Variants in ABCA5 observed in about 807,000 individuals in gnomAD.
ABCA5 encodes cholesterol transporter ABCA5.
ABCA5 carries 163 observed loss-of-function variants against 206.0 expected under a neutral mutation model. The observed-to-expected ratio is 0.79, with a 90% confidence interval of 0.70 to 0.90. The LOEUF (loss-of-function observed/expected upper bound fraction) is 0.90, where lower values mean the gene tolerates loss of function less well. Among genes scored for constraint, ABCA5 ranks in the 40% least tolerant of loss-of-function variants. The pLI is 0.00. For missense variants in ABCA5, 1,859 were observed against 1,912.9 expected, an observed-to-expected ratio of 0.97 and a Z score of 0.53; for synonymous variants, 609 against 613.8, an observed-to-expected ratio of 0.99 and a Z score of 0.11.
chr17:69,281,862 C>T (rs1173654153), intron 18 of ABCA5, among the ~76,000 whole-genome samples: 1 of 152,176 alleles, frequency 6.6e-6, no homozygotes, highest in Non-Finnish European at 1.5e-5. Context: ...TTTGGTATCA[C>T]AATGATTTTA....
chr17:69,290,166 G>T lies in ABCA5; in HGVS notation c.1607-129C>A, dbSNP rs115819511. The T allele has an allele frequency of 1.4e-5, 8 of 571,492 alleles. No individual in the cohort carries two copies. In the African/African-American group the frequency reaches 1.5e-4, roughly 11 times the overall value. The allele number at this position is 571,492 out of a possible 1,614,324, so 35.4% of individuals were successfully genotyped here. On this transcript the variant is annotated intron_variant, in intron 12 of 38. Coordinates refer to ENST00000392676, the MANE Select transcript of ABCA5 (RefSeq NM_172232.4). ...GTAAAAATTAATATAAATTTACAAGGCACAACACACCCTTCAATATTATTG... is the reference window on the plus strand; with the variant it reads ...GTAAAAATTAATATAAATTTACAAGTCACAACACACCCTTCAATATTATTG...
chr17:69,275,915 T>C (rs964578583), intron 19 of ABCA5, among the ~76,000 whole-genome samples: 7 of 152,110 alleles, frequency 4.6e-5, no homozygotes, highest in Non-Finnish European at 1.0e-4. Context: ...GAGCACACAG[T>C]GAGATGGTGG....
chr17:69,247,796 T>C, intron 38 of ABCA5, 152 bp from the exon 39 acceptor site: 1 of 459,556 alleles, frequency 2.2e-6, no homozygotes. Flanking sequence ...AACAGATTAT[T>C]TTCAAAAGTT....
chr17:69,293,833 GGTGT>G (rs61315865), intron 11 of ABCA5, among the ~76,000 whole-genome samples: 3,485 of 123,774 alleles, frequency 0.028, 146 homozygotes, highest in African/African-American at 0.097. Context: ...CAATCATACT[GGTGT>G]GTGTGTGTGT....
At chr17:69,323,671 AAAC>A (rs2075880517) in intron 1 of ABCA5, among the ~76,000 whole-genome samples, 1 of 152,164 alleles carries the variant, frequency 6.6e-6, no homozygotes, top group Non-Finnish European at 1.5e-5. Context: ...TTGATGAAAA[AAAC>A]AACAGTCTTA....
At chr17:69,268,083 T>G (rs2075230731) in intron 22 of ABCA5, 27 bp from the exon 23 acceptor site, 2 of 1,050,962 alleles carry the variant, frequency 1.9e-6, no homozygotes, top group Non-Finnish European at 3.0e-6. Context: ...GAGTAACAAA[T>G]GGAACTGAGA....
In ABCA5 at chr17:69,304,685, A is replaced by T. The variant is rs1432221812; in HGVS notation, c.914T>A (p.Leu305His). The T allele has an allele frequency of 6.3e-7, 1 of 1,592,316 alleles. No homozygotes were observed. Among genetic ancestry groups the T allele is most frequent in the African/African-American group, 1.4e-5 (1 of 73,738 alleles). ...AATACTTACAGATGATAATCCATAA[A>T]GGAAAAAAAGCAGAAATATCACAAT... ...SSIVIFLLFF[L>H]YGLSSVFFAL... The change falls in exon 7 of 39, where the codon CTT becomes CAT. Residue 305 changes from leucine to histidine, a missense_variant. Transcript: ENST00000392676.
In ABCA5 at chr17:69,314,350, G is replaced by A. The variant is rs2075796612; in HGVS notation, c.66C>T (p.Tyr22=). ...TCTTTTTGGTTCTGCATTTAATTAA[G>A]TAATTCTTCAGTAGAAGTGTTCTGG... ...RQTRTLLLKN[Y]LIKCRTKKSS... is the part of the protein sequence containing the mutation. The change falls in exon 2 of 39, where the codon TAC becomes TAT. Residue 22 remains tyrosine, a synonymous_variant. Transcript: ENST00000392676. 2 of 1,613,626 alleles carry A rather than the reference G, an allele frequency of 1.2e-6. No homozygotes were observed. Among genetic ancestry groups the A allele is most frequent in the Admixed American group, 1.7e-5 (1 of 59,978 alleles).
intron 11 of ABCA5, among the ~76,000 whole-genome samples, chr17:69,292,659 C>T (rs28410323): frequency 6.6e-6 from 1 of 152,096 alleles, no homozygotes; most frequent in Admixed American, 6.6e-5. Context: ...TTATACTTAA[C>T]TAGTTGTACC....
At chr17:69,261,838 T>C in intron 24 of ABCA5, 90 bp from the exon 25 acceptor site, 1 of 500,894 alleles carries the variant, frequency 2.0e-6, no homozygotes, top group Non-Finnish European at 3.5e-6. Flanking sequence ...TATGAAATTA[T>C]TAATATAATC....
At chr17:69,273,171 A>G (rs1042655907) in intron 20 of ABCA5, among the ~76,000 whole-genome samples, 1 of 152,096 alleles carries the variant, frequency 6.6e-6, no homozygotes, top group Non-Finnish European at 1.5e-5. Flanking sequence ...TATCCATTAC[A>G]AATCTAATAT....
rs1471792313 is a variant in ABCA5, at chr17:69,300,126, G to T, written c.1267+1013C>A. On this transcript the variant is annotated intron_variant, in intron 9 of 38. Coordinates refer to ENST00000392676, the MANE Select transcript of ABCA5 (RefSeq NM_172232.4). Reference sequence around the variant, plus strand: ...ACTCACTATAAGGTAGAATCAGTGGGAGCCCTGAGCTTGTTTTTCTGCAAC... The same window carrying T: ...ACTCACTATAAGGTAGAATCAGTGGTAGCCCTGAGCTTGTTTTTCTGCAAC... Among the ~76,000 whole-genome samples the T allele has an allele frequency of 9.9e-5, 15 of 152,270 alleles. No homozygotes were observed. In the East Asian group the frequency reaches 2.7e-3, roughly 27 times the overall value.
intron 8 of ABCA5, among the ~76,000 whole-genome samples, chr17:69,301,772 A>T (rs893184262): frequency 1.3e-5 from 2 of 152,186 alleles, no homozygotes; most frequent in Non-Finnish European, 2.9e-5. Context: ...GATAGCATGG[A>T]AAGAGAAATG....
chr17:69,276,457 T>C (rs1005199189), intron 19 of ABCA5, among the ~76,000 whole-genome samples: 1 of 152,134 alleles, frequency 6.6e-6, no homozygotes, highest in Admixed American at 6.6e-5. Context: ...ATATACACCA[T>C]GGAATACTAT....
chr17:69,284,101 A>G (rs2075425976), intron 17 of ABCA5, 29 bp from the exon 18 acceptor site: 2 of 1,462,180 alleles, frequency 1.4e-6, no homozygotes, highest in Admixed American at 2.5e-5. Context: ...AGAATAGTAT[A>G]TCTTTAAGCA....
At chr17:69,250,407 A>T in intron 36 of ABCA5, 65 bp downstream of exon 36, 2 of 1,425,092 alleles carry the variant, frequency 1.4e-6, no homozygotes, top group Non-Finnish European at 1.9e-6. Flanking sequence ...CTTAATCCTT[A>T]ATATAATAAC....
At position 69,246,313 on chromosome 17, in the gene ABCA5, T is replaced by G. The variant is rs2074950129; in HGVS notation, c.*1224A>C. ...ACAATAATCACACTCTCAATATATT[T>G]GTTTTATGAAGTTAATACTTTCATT... is the stretch of plus-strand genomic sequence containing the variant. On this transcript the variant is annotated 3_prime_UTR_variant, in exon 39 of 39. Coordinates refer to ENST00000392676, the MANE Select transcript of ABCA5 (RefSeq NM_172232.4). 1 of 152,016 alleles carries G rather than the reference T, an allele frequency of 6.6e-6. No individual in the cohort carries two copies. The highest frequency in any genetic ancestry group is 1.5e-5 in the Non-Finnish European group (1 of 67,834). 9.4% of individuals were successfully genotyped at this position (152,016 alleles called of 1,614,324 possible). A position where few individuals can be genotyped will look rare whatever the true frequency, so the allele number is the denominator to read the frequency against.
chr17:69,326,096 G>A lies in ABCA5; in HGVS notation c.-16+956C>T, dbSNP rs1440885686. Among the ~76,000 whole-genome samples, 1 of 152,042 alleles carries A rather than the reference G, an allele frequency of 6.6e-6. No individual in the cohort carries two copies. Among genetic ancestry groups the A allele is most frequent in the African/African-American group, 2.4e-5 (1 of 41,390 alleles). On this transcript the variant is annotated intron_variant, in intron 1 of 38. Coordinates refer to ENST00000392676, the MANE Select transcript of ABCA5 (RefSeq NM_172232.4). This position sits in a 1 kb window ranked among gnomAD's most constrained non-coding sequence, Gnocchi z 4.8. ...ATACTAAATAAAGCACCAGAATTAG[G>A]GTCTGGCAGCCCGGGTTGGAATCTC...
intron 5 of ABCA5, 63 bp downstream of exon 5, chr17:69,308,214 AAAG>A: frequency 2.9e-6 from 3 of 1,051,870 alleles, no homozygotes; most frequent in South Asian, 1.5e-5. Context: ...ATACTATTGT[AAAG>A]AATAAGGAAA....
Sources: allele counts gnomAD v4.1 joint callset (sites outside exome capture counted in the v4.1 genomes callset), GRCh38; gene constraint gnomAD v4.1.1; non-coding constraint Gnocchi (gnomAD v3.1); transcripts MANE v1.5; gene names NCBI Gene and HGNC (gene_info 2026-07-23, HGNC 2026-07-21).